Variants in ENTHD1 observed in about 807,000 individuals in gnomAD.
ENTHD1 encodes ENTH domain-containing protein 1.
In ENTHD1, 23 loss-of-function variants were observed where a neutral mutation model predicts 39.1. That is an observed-to-expected ratio of 0.59 (90% CI 0.42 to 0.83). The LOEUF is 0.83. Ranked by LOEUF, ENTHD1 falls within the 40% of genes least tolerant of loss-of-function variation. ENTHD1 has a pLI of 0.00. For synonymous variants in ENTHD1, 230 were observed against 258.2 expected, an observed-to-expected ratio of 0.89 and a Z score of 1.05; for missense variants, 624 against 705.4, an observed-to-expected ratio of 0.88 and a Z score of 1.31.
chr22:39,878,135 C>T (rs780136496), intron 2 of ENTHD1, among the ~76,000 whole-genome samples: 1 of 152,082 alleles, frequency 6.6e-6, no homozygotes, highest in African/African-American at 2.4e-5. Context: ...GAAATGCTAG[C>T]GATCAAAAAT....
intron 4 of ENTHD1, among the ~76,000 whole-genome samples, chr22:39,826,076 T>C (rs2065824227): frequency 6.6e-6 from 1 of 152,200 alleles, no homozygotes; most frequent in Non-Finnish European, 1.5e-5. Context: ...AGACACATGG[T>C]TTCACCATGT....
chr22:39,754,189 T>C (rs927594176), intron 6 of ENTHD1, among the ~76,000 whole-genome samples: 1 of 152,246 alleles, frequency 6.6e-6, no homozygotes, highest in African/African-American at 2.4e-5. Flanking sequence ...CAAATTAGCA[T>C]GGTTGTATTC....
intron 3 of ENTHD1, among the ~76,000 whole-genome samples, chr22:39,849,311 T>G (rs575663900): frequency 6.6e-6 from 1 of 152,160 alleles, no homozygotes; most frequent in South Asian, 2.1e-4. Flanking sequence ...CAGGGGACAT[T>G]TGGCAATGTC....
chr22:39,869,594 C>A (rs750211118), intron 2 of ENTHD1, among the ~76,000 whole-genome samples: 1 of 151,044 alleles, frequency 6.6e-6, no homozygotes, highest in East Asian at 1.9e-4. Flanking sequence ...AGGTAACAAA[C>A]CTGCACATGT....
At chr22:39,849,597 C>T (rs1177310667) in intron 3 of ENTHD1, among the ~76,000 whole-genome samples, 2 of 152,184 alleles carry the variant, frequency 1.3e-5, no homozygotes, top group East Asian at 1.9e-4. Context: ...ACATTATAAC[C>T]TACAGTGTAC....
At chr22:39,882,732 C>T (rs770836712) in intron 2 of ENTHD1, among the ~76,000 whole-genome samples, 11 of 152,132 alleles carry the variant, frequency 7.2e-5, no homozygotes, top group South Asian at 2.1e-4. Flanking sequence ...GGGCTGGGCA[C>T]GGTGGCTCAC....
intron 5 of ENTHD1, among the ~76,000 whole-genome samples, chr22:39,785,108 G>T (rs1164883532): frequency 1.3e-5 from 2 of 151,382 alleles, no homozygotes; most frequent in East Asian, 3.9e-4. Context: ...ATTAACCCCA[G>T]TTGAAGAGGA....
chr22:39,823,338 T>C (rs955443439), intron 4 of ENTHD1, among the ~76,000 whole-genome samples: 1 of 152,124 alleles, frequency 6.6e-6, no homozygotes, highest in Non-Finnish European at 1.5e-5. Context: ...GGTTTTTGTA[T>C]GATATACATT....
Position 39,807,888 on chromosome 22 carries a change from CGTGT to C in ENTHD1, c.832+13101_832+13104del, listed in dbSNP as rs375190088. 3.2e-3 allele frequency among the ~76,000 whole-genome samples: 471 copies of C among 145,992 alleles called. 2 individuals are homozygous for C. Among genetic ancestry groups the C allele is most frequent in the Middle Eastern group, 0.011 (3 of 280 alleles). On this transcript the variant is annotated intron_variant, in intron 5 of 6. Coordinates refer to ENST00000325157, the MANE Select transcript of ENTHD1 (RefSeq NM_152512.4). The stretch of plus-strand genomic sequence containing the variant: ...GTGTGTGTGTATATATATATACGTA[CGTGT>C]GTGTGTGTGTGTGTGTGTGTGTATA...
Position 39,765,378 on chromosome 22 carries a change from G to A in ENTHD1, c.1064C>T (p.Thr355Ile). The A allele has an allele frequency of 6.2e-7, 1 of 1,614,042 alleles. No homozygotes were observed. Among genetic ancestry groups the A allele is most frequent in the Non-Finnish European group, 8.5e-7 (1 of 1,179,966 alleles). The change falls in exon 6 of 7, where the codon ACT becomes ATT. Residue 355 changes from threonine to isoleucine, a missense_variant. Thr to Ile is a moderately conservative substitution (Grantham distance 89). Coordinates refer to ENST00000325157, the MANE Select transcript of ENTHD1 (RefSeq NM_152512.4). Reference sequence around the variant, plus strand: ...TTCTACAGAGGCCTGGTTATGGAAAGTAGAATCTGACTTTGATACCCTTAA... The same window carrying A: ...TTCTACAGAGGCCTGGTTATGGAAAATAGAATCTGACTTTGATACCCTTAA... ...PDLRVSKSDS[T>I]FHNQASVETL... is the part of the protein sequence containing the mutation.
chr22:39,884,324 G>A (rs2066363805), intron 2 of ENTHD1, among the ~76,000 whole-genome samples: 1 of 151,610 alleles, frequency 6.6e-6, no homozygotes, highest in South Asian at 2.1e-4. Flanking sequence ...GATTACAAGT[G>A]CACGCCACCA....
chr22:39,849,559 A>G (rs2066018556), intron 3 of ENTHD1, among the ~76,000 whole-genome samples: 1 of 152,256 alleles, frequency 6.6e-6, no homozygotes, highest in Non-Finnish European at 1.5e-5. Flanking sequence ...CTTTCCATTT[A>G]TATAGGTCTT....
intron 3 of ENTHD1, among the ~76,000 whole-genome samples, chr22:39,850,561 ATTAT>A (rs2066026883): frequency 6.6e-6 from 1 of 151,830 alleles, no homozygotes; most frequent in Non-Finnish European, 1.5e-5. Context: ...GCTTATTTCT[ATTAT>A]TTATTTTACT....
intron 5 of ENTHD1, among the ~76,000 whole-genome samples, chr22:39,802,000 C>G (rs2065602465): frequency 6.6e-6 from 1 of 151,988 alleles, no homozygotes; most frequent in Admixed American, 6.6e-5. Flanking sequence ...GTTTAATATT[C>G]CCAGAAGAGT....
chr22:39,796,767 T>G (rs1601600224), intron 5 of ENTHD1, among the ~76,000 whole-genome samples: 1 of 152,344 alleles, frequency 6.6e-6, no homozygotes, highest in Middle Eastern at 3.4e-3. Context: ...TTTTTAAAAA[T>G]ATGTTGAGAT....
chr22:39,834,201 A>T (rs777767123), intron 4 of ENTHD1, among the ~76,000 whole-genome samples: 5 of 152,198 alleles, frequency 3.3e-5, no homozygotes, highest in Non-Finnish European at 7.4e-5. Flanking sequence ...AACACAAGCC[A>T]CAAACGGAGA....
chr22:39,890,893 T>C (rs1221861168), intron 1 of ENTHD1, among the ~76,000 whole-genome samples: 1 of 152,250 alleles, frequency 6.6e-6, no homozygotes, highest in Non-Finnish European at 1.5e-5. Flanking sequence ...TCTTTTCAAA[T>C]TGACAAGGAG....
intron 6 of ENTHD1, 44 bp downstream of exon 6, chr22:39,765,175 GTTGT>G (rs779658854): frequency 1.6e-6 from 2 of 1,255,636 alleles, no homozygotes; most frequent in South Asian, 3.1e-5. Context: ...GAGGTTTTTT[GTTGT>G]GTGTGTGTGT....
chr22:39,756,932 CT>C (rs2065189925), intron 6 of ENTHD1, among the ~76,000 whole-genome samples: 1 of 150,868 alleles, frequency 6.6e-6, no homozygotes, highest in East Asian at 1.9e-4. Context: ...CAACTTTGTT[CT>C]TTTGCTTTCA....
Sources: allele counts gnomAD v4.1 joint callset (sites outside exome capture counted in the v4.1 genomes callset), GRCh38; gene constraint gnomAD v4.1.1; transcripts MANE v1.5; gene names NCBI Gene and HGNC (gene_info 2026-07-23, HGNC 2026-07-21).